CD300LF: variants seen among roughly 807,000 people sequenced by gnomAD.
CD300LF encodes CMRF35-like molecule 1.
CD300LF carries 27 observed loss-of-function variants against 32.2 expected under a neutral mutation model. The observed-to-expected ratio is 0.84, with a 90% CI of 0.62 to 1.15. The LOEUF is 1.15. Among genes scored for constraint, CD300LF ranks in the 50% most tolerant of loss-of-function variants. The pLI, the probability that CD300LF is intolerant of heterozygous loss-of-function variation, is 0.00. For missense variants in CD300LF, 348 were observed against 356.8 expected (o/e 0.98, Z 0.20); for synonymous variants, 139 against 143.2 (o/e 0.97, Z 0.21).
At chr17:74,699,444 A>C (rs1383100259) in intron 3 of CD300LF, among the ~76,000 whole-genome samples, 1 of 152,164 alleles carries the variant, frequency 6.6e-6, no homozygotes, top group Admixed American at 6.5e-5. Context: ...ATGAGGTCAT[A>C]GTTGATTAGC....
At chr17:74,708,976 G>A (rs2033755239) in intron 1 of CD300LF, among the ~76,000 whole-genome samples, 1 of 151,146 alleles carries the variant, frequency 6.6e-6, no homozygotes, top group Non-Finnish European at 1.5e-5. Flanking sequence ...TGCAATCCCA[G>A]CACTTTGGGA....
At position 74,695,193 on chromosome 17, in the gene CD300LF, T is replaced by C. The variant is rs1253094678; in HGVS notation, c.776A>G (p.Gln259Arg). 1.2e-6 allele frequency: 2 copies of C among 1,614,160 alleles called. No individual in the cohort carries two copies. Among genetic ancestry groups the C allele is most frequent in the Non-Finnish European group, 1.7e-6 (2 of 1,179,988 alleles). ...GCCCATGTTGCAGTAGGTCGGTTCC[T>C]GATCCTCAGCACCCAAGGTCAGAGA... ...YASLTLGAED[Q>R]EPTYCNMGHL... is the part of the protein sequence containing the mutation. Residue 259 changes from glutamine to arginine, a missense_variant, in exon 7 of 7, where the codon CAG becomes CGG. Transcript: ENST00000326165.
At chr17:74,701,955 G>A (rs12947096) in intron 3 of CD300LF, among the ~76,000 whole-genome samples, 2 of 151,822 alleles carry the variant, frequency 1.3e-5, no homozygotes, top group South Asian at 2.1e-4. Flanking sequence ...ATGAGAGGCA[G>A]AGGTTGCAGT....
intron 2 of CD300LF, chr17:74,704,266 G>T (rs957598234): frequency 3.5e-6 from 2 of 573,964 alleles, no homozygotes; most frequent in South Asian, 4.4e-5. Flanking sequence ...GCCTAGAAAG[G>T]CTTAATCCCG....
In CD300LF at chr17:74,694,925, G is replaced by A. The variant is rs1018337187; in HGVS notation, c.*171C>T. On this transcript the variant is annotated 3_prime_UTR_variant, in exon 7 of 7. Coordinates refer to ENST00000326165, the MANE Select transcript of CD300LF (RefSeq NM_139018.5). Reference sequence around the variant, plus strand: ...GTTTAGAAAACCCCAACTCCTAGAAGCCCCCTGAGACTTGGCCCCAAGCCC... The same window carrying A: ...GTTTAGAAAACCCCAACTCCTAGAAACCCCCTGAGACTTGGCCCCAAGCCC... 4 of 599,900 alleles carry A rather than the reference G, an allele frequency of 6.7e-6. No homozygotes were observed. The highest frequency in any genetic ancestry group is 8.4e-6 in the Non-Finnish European group (3 of 357,026). 37.2% of individuals were successfully genotyped at this position (599,900 alleles called of 1,614,324 possible).
At chr17:74,706,945 A>C (rs78506255) in intron 1 of CD300LF, among the ~76,000 whole-genome samples, 11 of 152,366 alleles carry the variant, frequency 7.2e-5, no homozygotes, top group African/African-American at 2.4e-4. Context: ...GTCCAGAAGA[A>C]TGAAGCCGGA....
chr17:74,708,600 C>T (rs1255591726), intron 1 of CD300LF, among the ~76,000 whole-genome samples: 1 of 152,130 alleles, frequency 6.6e-6, no homozygotes, highest in Non-Finnish European at 1.5e-5. Context: ...GCCAAACACC[C>T]AAAATGGTTT....
At chr17:74,706,890 G>T (rs552535159) in intron 1 of CD300LF, among the ~76,000 whole-genome samples, 1 of 152,270 alleles carries the variant, frequency 6.6e-6, no homozygotes, top group South Asian at 2.1e-4. Context: ...AATGGGGAAA[G>T]GACAGTCTCT....
rs951481182 is a variant in CD300LF, at chr17:74,704,322, C to A, written c.382+156G>T. The A allele has an allele frequency of 8.0e-6, 5 of 627,548 alleles. No individual in the cohort carries two copies. In the African/African-American group the frequency reaches 9.3e-5, roughly 12 times the overall value. The allele number at this position is 627,548 out of a possible 1,614,324, so 38.9% of individuals were successfully genotyped here. On this transcript the variant is annotated intron_variant, in intron 2 of 6. Transcript: ENST00000326165. ...GCCATGGGGGCATTGAAGAGAGGCC[C>A]TGCTCCCCCAGTCCCAGGTGGTCAG...
intron 3 of CD300LF, among the ~76,000 whole-genome samples, chr17:74,699,051 G>A (rs909398340): frequency 6.6e-6 from 1 of 151,632 alleles, no homozygotes; most frequent in Non-Finnish European, 1.5e-5. Context: ...CCCAAGTAGC[G>A]GGGATTACAG....
At chr17:74,708,656 C>T (rs2033706652) in intron 1 of CD300LF, among the ~76,000 whole-genome samples, 1 of 152,328 alleles carries the variant, frequency 6.6e-6, no homozygotes, top group East Asian at 1.9e-4. Flanking sequence ...GTGGCTTACA[C>T]CGGTAATCCC....
Position 74,705,450 on chromosome 17 carries a change from T to G in CD300LF, c.44-634A>C, listed in dbSNP as rs1016804332. ...TTGACCCCTTTGTCAAATTGCAAAT[T>G]TGTGGATTTCCCATTCTGTTCCATT... On this transcript the variant is annotated intron_variant, in intron 1 of 6. Coordinates refer to ENST00000326165, the MANE Select transcript of CD300LF (RefSeq NM_139018.5). 7.9e-6 allele frequency: 4 copies of G among 509,264 alleles called. No individual in the cohort carries two copies. The Admixed American group carries it at 1.3e-4, about 16-fold the overall frequency. The allele number at this position is 509,264 out of a possible 1,614,324, so 31.5% of individuals were successfully genotyped here.
At chr17:74,706,286 T>C (rs577423822) in intron 1 of CD300LF, among the ~76,000 whole-genome samples, 4 of 147,486 alleles carry the variant, frequency 2.7e-5, no homozygotes, top group Admixed American at 6.8e-5. Flanking sequence ...AAAAAAAATA[T>C]ATATATATAT....
rs1362994213 is a variant in CD300LF, at chr17:74,695,960, G to A, written c.583-101C>T. The stretch of plus-strand genomic sequence containing the variant: ...GACGAGAGCCTCTCCACTTCCCCAG[G>A]TGCCCCTCTCCCATTTCCCTCCGTG... On this transcript the variant is annotated intron_variant, in intron 5 of 6. Coordinates refer to ENST00000326165, the MANE Select transcript of CD300LF (RefSeq NM_139018.5). 55 of 1,410,624 alleles carry A rather than the reference G, an allele frequency of 3.9e-5. No individual in the cohort carries two copies. The East Asian group carries it at 5.4e-4, about 14-fold the overall frequency. 87.4% of individuals were successfully genotyped at this position (1,410,624 alleles called of 1,614,324 possible).
chr17:74,707,475 G>C (rs1050634824), intron 1 of CD300LF, among the ~76,000 whole-genome samples: 2 of 152,204 alleles, frequency 1.3e-5, no homozygotes, highest in Non-Finnish European at 2.9e-5. Context: ...AGCACTTTGG[G>C]AGGCCACATT....
intron 5 of CD300LF, among the ~76,000 whole-genome samples, 164 bp downstream of exon 5, chr17:74,696,031 G>A (rs995926741): frequency 6.6e-6 from 1 of 152,112 alleles, no homozygotes; most frequent in Admixed American, 6.5e-5. Flanking sequence ...TTGTCCCCCT[G>A]GCTGTTTCCA....
rs1278096989 is a variant in CD300LF, at chr17:74,695,742, C to T, written c.700G>A (p.Val234Met). 1 of 1,614,196 alleles carries T rather than the reference C, an allele frequency of 6.2e-7. No homozygotes were observed. The highest frequency in any genetic ancestry group is 2.2e-5 in the East Asian group (1 of 44,876). The change falls in exon 6 of 7, where the codon GTG becomes ATG. Residue 234 changes from valine (V) to methionine (M), a missense_variant. By Grantham distance (21) the Val-to-Met change is conservative. Transcript: ENST00000326165. ...GGACGCACCATGGTGACATATTCCA[C>T]TTCCACCTGGTCAACCTGGGCAGAG... ...LSSAQVDQVE[V>M]EYVTMASLPK...
In CD300LF at chr17:74,694,852, A is replaced by G; in HGVS notation, c.*244T>C. The G allele has an allele frequency of 2.5e-6, 1 of 405,104 alleles. No homozygotes were observed. Among genetic ancestry groups the G allele is most frequent in the Non-Finnish European group, 4.4e-6 (1 of 228,480 alleles). The allele number at this position is 405,104 out of a possible 1,614,324, so 25.1% of individuals were successfully genotyped here. A position where few individuals can be genotyped will look rare whatever the true frequency, so the allele number is the denominator to read the frequency against. On this transcript the variant is annotated 3_prime_UTR_variant, in exon 7 of 7. Coordinates refer to ENST00000326165, the MANE Select transcript of CD300LF (RefSeq NM_139018.5). The stretch of plus-strand genomic sequence containing the variant: ...TCTTCATCATTCCCATGAAAGCCCC[A>G]GAGCATATCCCTAGCCCCCTCCTCA...
chr17:74,705,637 A>G (rs2033443868), intron 1 of CD300LF, among the ~76,000 whole-genome samples: 1 of 151,878 alleles, frequency 6.6e-6, no homozygotes, highest in Admixed American at 6.6e-5. Context: ...AGGCTGGAAC[A>G]CAGTGGCACA....
Sources: gnomAD v4.1 joint callset for allele counts (sites outside exome capture counted in the v4.1 genomes callset) on GRCh38, gnomAD v4.1.1 for gene constraint, MANE v1.5 for transcripts, NCBI Gene and HGNC (gene_info 2026-07-23, HGNC 2026-07-21) for gene names.